Variants in KLHL4 observed in about 807,000 individuals in gnomAD.
The protein encoded by KLHL4 is kelch like family member 4.
In KLHL4, 17 loss-of-function variants were observed where a neutral mutation model predicts 45.8. The observed-to-expected ratio is 0.37, with a 90% CI of 0.25 to 0.56. The LOEUF is 0.56. Among genes scored for constraint, KLHL4 ranks in the 20% least tolerant of loss-of-function variants. The pLI, the probability that KLHL4 is intolerant of heterozygous loss-of-function variation, is 0.79. For missense variants in KLHL4, 544 were observed against 544.9 expected (o/e 1.00, Z 0.02); for synonymous variants, 224 against 189.9 (o/e 1.18, Z -1.47).
chrX:87,657,104 G>C (rs924878448), intron 9 of KLHL4, among the ~76,000 whole-genome samples: 1 of 112,005 alleles, frequency 8.9e-6, no homozygotes, highest in African/African-American at 3.2e-5. Context: ...ATCTGCATTG[G>C]TGTCAATGGA....
intron 1 of KLHL4, among the ~76,000 whole-genome samples, chrX:87,559,000 C>A (rs756584768): frequency 9.0e-6 from 1 of 111,455 alleles, no homozygotes; most frequent in Non-Finnish European, 1.9e-5. Context: ...TGTTGTGGGA[C>A]AGTAGTAGGT....
intron 1 of KLHL4, among the ~76,000 whole-genome samples, chrX:87,558,353 A>G (rs5969256): frequency 0.24 from 26,643 of 110,523 alleles, 2,751 homozygotes; most frequent in East Asian, 0.51. Context: ...TAACTGAGGG[A>G]ATAAATGCAA....
rs1348680782 is a variant in KLHL4, at chrX:87,664,786, T to C, written c.1948T>C (p.Trp650Arg). The change falls in exon 10 of 11, where the codon TGG becomes CGG. Residue 650 changes from tryptophan (W) to arginine (R), a missense_variant. Transcript: ENST00000373119. ...VERYDPKGDS[W>R]STVAPLSVPR... ...AAGGTATGATCCAAAAGGTGATTCA[T>C]GGTCAACTGTGGCACCTCTGAGTGT... is the stretch of plus-strand genomic sequence containing the variant. 5.8e-6 allele frequency: 7 copies of C among 1,202,331 alleles called. No individual in the cohort carries two copies. The highest frequency in any genetic ancestry group is 7.9e-6 in the Non-Finnish European group (7 of 890,634).
chrX:87,633,467 T>C (rs1338789600), intron 7 of KLHL4, among the ~76,000 whole-genome samples: 2 of 111,600 alleles, frequency 1.8e-5, no homozygotes, highest in Non-Finnish European at 3.8e-5. Context: ...CTTTTTAAAT[T>C]ACATATCTAG....
At chrX:87,575,840 T>G (rs913114244) in intron 1 of KLHL4, among the ~76,000 whole-genome samples, 5 of 111,304 alleles carry the variant, frequency 4.5e-5, no homozygotes, top group Non-Finnish European at 9.4e-5. Context: ...TGGATTTCAC[T>G]TCCATTTAAC....
intron 1 of KLHL4, among the ~76,000 whole-genome samples, chrX:87,533,470 C>T (rs1207973629): frequency 3.9e-5 from 4 of 101,409 alleles, no homozygotes; most frequent in Admixed American, 1.1e-4. Flanking sequence ...AACCAAACAC[C>T]GCATGTTCTC....
At chrX:87,617,860 A>C (rs908806714) in intron 3 of KLHL4, 72 bp from the exon 4 acceptor site, 2 of 908,290 alleles carry the variant, frequency 2.2e-6, no homozygotes, top group African/African-American at 4.0e-5. Flanking sequence ...ATAAAAAAAA[A>C]ATGTCAACTA....
At chrX:87,618,909 A>T (rs1922655427) in intron 4 of KLHL4, among the ~76,000 whole-genome samples, 1 of 112,232 alleles carries the variant, frequency 8.9e-6, no homozygotes, top group South Asian at 3.7e-4. Flanking sequence ...ATCCCTTTCA[A>T]TTCTATTAAC....
rs1377235986 is a variant in KLHL4 at position 87,579,218 on chromosome X, A to C, written c.423-34659A>C. On this transcript the variant is annotated intron_variant, in intron 1 of 10. Transcript: ENST00000373119. The stretch of plus-strand genomic sequence containing the variant: ...GAGCAAGAGATTACAAATTACTGAA[A>C]AAAAAATCAGTCTGTAAATCTCTTC... Among the ~76,000 whole-genome samples, 3 of 111,304 alleles carry C rather than the reference A, an allele frequency of 2.7e-5. No homozygotes were observed. The East Asian group carries it at 8.5e-4, about 32-fold the overall frequency.
chrX:87,567,740 G>A (rs986531507), intron 1 of KLHL4, among the ~76,000 whole-genome samples: 4 of 111,085 alleles, frequency 3.6e-5, no homozygotes, highest in South Asian at 3.8e-4. Flanking sequence ...TCACTTATAA[G>A]TGGGAGCTAA....
Position 87,524,780 on chromosome X carries a change from C to T in KLHL4, c.422+6465C>T, listed in dbSNP as rs763228178. On this transcript the variant is annotated intron_variant, in intron 1 of 10. Transcript: ENST00000373119. The stretch of plus-strand genomic sequence containing the variant: ...ACTTAATTGTAACATATTTACGATA[C>T]TAACAAAATGTTAATAGTAAAATAA... 1.2e-4 allele frequency among the ~76,000 whole-genome samples: 14 copies of T among 112,010 alleles called. No individual in the cohort carries two copies. The Admixed American group carries it at 1.3e-3, about 11-fold the overall frequency.
chrX:87,586,399 A>G (rs1015489331), intron 1 of KLHL4, among the ~76,000 whole-genome samples: 1 of 111,034 alleles, frequency 9.0e-6, no homozygotes, highest in African/African-American at 3.3e-5. Flanking sequence ...TAAAACATTC[A>G]AAAAAAACCT....
At chrX:87,649,288 T>G (rs1335819031) in intron 9 of KLHL4, among the ~76,000 whole-genome samples, 1 of 111,965 alleles carries the variant, frequency 8.9e-6, no homozygotes, top group Non-Finnish European at 1.9e-5. Context: ...TAAATAGTTA[T>G]TATTTTATGA....
chrX:87,591,120 C>T (rs1921649199), intron 1 of KLHL4, among the ~76,000 whole-genome samples: 1 of 111,684 alleles, frequency 9.0e-6, no homozygotes, highest in South Asian at 3.7e-4. Flanking sequence ...ATTAGAGTTC[C>T]CTTTTCTCCC....
intron 1 of KLHL4, among the ~76,000 whole-genome samples, chrX:87,612,080 A>T (rs759115523): frequency 8.9e-6 from 1 of 112,155 alleles, no homozygotes; most frequent in Non-Finnish European, 1.9e-5. Context: ...AAGTAAAAAA[A>T]GTTACAGAAA....
chrX:87,646,344 A>T (rs779504432), intron 9 of KLHL4, among the ~76,000 whole-genome samples: 1 of 111,633 alleles, frequency 9.0e-6, no homozygotes, highest in Non-Finnish European at 1.9e-5. Flanking sequence ...GATTCAATGC[A>T]TTTGCCTTTA....
At chrX:87,648,014 C>T (rs1202783595) in intron 9 of KLHL4, among the ~76,000 whole-genome samples, 1 of 110,469 alleles carries the variant, frequency 9.1e-6, no homozygotes, top group African/African-American at 3.3e-5. Flanking sequence ...TATTAATATA[C>T]AGAAGTATTT....
chrX:87,611,198 A>T (rs959720569), intron 1 of KLHL4, among the ~76,000 whole-genome samples: 1 of 112,361 alleles, frequency 8.9e-6, no homozygotes, highest in Non-Finnish European at 1.9e-5. Flanking sequence ...TCCTTAATGT[A>T]TGGCATATTT....
intron 1 of KLHL4, among the ~76,000 whole-genome samples, chrX:87,545,966 G>A (rs1931671521): frequency 9.0e-6 from 1 of 111,689 alleles, no homozygotes; most frequent in Non-Finnish European, 1.9e-5. Flanking sequence ...TGAGAGAGAT[G>A]ATCTGAAATC....
Sources: allele counts gnomAD v4.1 joint callset (sites outside exome capture counted in the v4.1 genomes callset), GRCh38; gene constraint gnomAD v4.1.1; transcripts MANE v1.5; gene names NCBI Gene and HGNC (gene_info 2026-07-23, HGNC 2026-07-21).